Variants in GALNT9 observed in about 807,000 individuals in gnomAD.
GALNT9 encodes the protein GalNAc transferase 9.
In GALNT9, 47 loss-of-function variants were observed where a neutral mutation model predicts 63.1. That is an observed-to-expected ratio of 0.75 (90% CI 0.59 to 0.95). The LOEUF is 0.95. Among genes scored for constraint, GALNT9 ranks in the 40% least tolerant of loss-of-function variants. The pLI, the probability that GALNT9 is intolerant of heterozygous loss-of-function variation, is 0.00. For missense variants in GALNT9, 829 were observed against 874.8 expected, an observed-to-expected ratio of 0.95 and a Z score of 0.66; for synonymous variants, 396 against 365.7, an observed-to-expected ratio of 1.08 and a Z score of -0.94.
chr12:132,260,046 G>A (rs906668595), intron 4 of GALNT9, among the ~76,000 whole-genome samples: 4 of 125,618 alleles, frequency 3.2e-5, no homozygotes, highest in African/African-American at 1.1e-4. Flanking sequence ...TGGGTGCAGG[G>A]AACACACCCA....
At chr12:132,328,625 C>T (rs1425022484) in intron 1 of GALNT9, among the ~76,000 whole-genome samples, 1 of 152,118 alleles carries the variant, frequency 6.6e-6, no homozygotes, top group Non-Finnish European at 1.5e-5. Context: ...GCCAAGCCAG[C>T]CCCCCACCCC....
chr12:132,219,003 CG>C (rs1476825414), intron 6 of GALNT9, among the ~76,000 whole-genome samples: 1 of 151,936 alleles, frequency 6.6e-6, no homozygotes, highest in Non-Finnish European at 1.5e-5. Context: ...TCAGAAGCTC[CG>C]GGGAGGGGCG....
intron 1 of GALNT9, among the ~76,000 whole-genome samples, chr12:132,297,025 C>G (rs1881098091): frequency 6.6e-6 from 1 of 152,132 alleles, no homozygotes; most frequent in Non-Finnish European, 1.5e-5. Flanking sequence ...CAGCTCACTC[C>G]TGAGATACCC....
intron 6 of GALNT9, among the ~76,000 whole-genome samples, chr12:132,239,253 G>A (rs1555236613): frequency 1.3e-5 from 2 of 151,988 alleles, no homozygotes; most frequent in African/African-American, 2.4e-5. Flanking sequence ...TACACTGAGA[G>A]ACTGAGAGAC....
rs554897340 is a variant in GALNT9, at chr12:132,257,890, C to A, written c.762-4G>T. 1.3e-6 allele frequency: 2 copies of A among 1,524,424 alleles called. No homozygotes were observed. The highest frequency in any genetic ancestry group is 1.8e-6 in the Non-Finnish European group (2 of 1,130,060). 94.4% of individuals were successfully genotyped at this position (1,524,424 alleles called of 1,614,324 possible). On this transcript the variant is annotated splice_polypyrimidine_tract_variant and splice_region_variant and intron_variant, in intron 4 of 10. Coordinates refer to ENST00000328957, the MANE Select transcript of GALNT9 (RefSeq NM_001122636.2). ...CCGCGACAGTGCGGGCTCGGCCCTG[C>A]GGAGGCACAGCTGTGAGGAGGGGCG...
At chr12:132,302,290 T>C (rs1881327011) in intron 1 of GALNT9, among the ~76,000 whole-genome samples, 1 of 149,708 alleles carries the variant, frequency 6.7e-6, no homozygotes, top group South Asian at 2.1e-4. Flanking sequence ...GGTCTCTTGC[T>C]GCAGGGAAAA....
rs1555245716 is a variant in GALNT9, at chr12:132,316,880, T to C, written c.238+12086A>G. Among the ~76,000 whole-genome samples the C allele has an allele frequency of 6.6e-6, 1 of 151,718 alleles. No homozygotes were observed. The highest frequency in any genetic ancestry group is 2.4e-5 in the African/African-American group (1 of 41,180). On this transcript the variant is annotated intron_variant, in intron 1 of 10. Transcript: ENST00000328957. This position sits in a 1 kb window ranked among gnomAD's most constrained non-coding sequence, Gnocchi z 4.3. ...GCATCTAGTGGTTGGAGGCCAGGAA[T>C]GCTGCATGGCCTGGCCCCCATTCTA...
At chr12:132,198,562 A>G (rs976752270) in intron 9 of GALNT9, among the ~76,000 whole-genome samples, 4 of 152,114 alleles carry the variant, frequency 2.6e-5, no homozygotes, top group African/African-American at 9.7e-5. Context: ...CTTCGCTTCA[A>G]TCACGCGACA....
At chr12:132,295,555 C>A (rs565439255) in intron 1 of GALNT9, among the ~76,000 whole-genome samples, 1 of 152,186 alleles carries the variant, frequency 6.6e-6, no homozygotes, top group African/African-American at 2.4e-5. Flanking sequence ...CAGAGACACA[C>A]GCAGAGAAGG....
chr12:132,301,758 C>A (rs1555243858), intron 1 of GALNT9, among the ~76,000 whole-genome samples: 1 of 152,268 alleles, frequency 6.6e-6, no homozygotes, highest in Admixed American at 6.5e-5. Context: ...ACCTTCATGA[C>A]CCTGGACAGG....
chr12:132,206,642 G>A (rs554952022), intron 6 of GALNT9, among the ~76,000 whole-genome samples: 18 of 90,788 alleles, frequency 2.0e-4, no homozygotes, highest in South Asian at 4.3e-4. Context: ...GCGAGACTCC[G>A]TCTCAAAAAA....
chr12:132,294,343 C>T (rs1354710829), intron 1 of GALNT9, among the ~76,000 whole-genome samples: 1 of 152,226 alleles, frequency 6.6e-6, no homozygotes, highest in African/African-American at 2.4e-5. Flanking sequence ...GAGGCTCCTC[C>T]GTGAACAGCA....
At chr12:132,215,159 G>C (rs1593067780) in intron 6 of GALNT9, among the ~76,000 whole-genome samples, 1 of 152,214 alleles carries the variant, frequency 6.6e-6, no homozygotes, top group South Asian at 2.1e-4. Flanking sequence ...GGGTGGCTTT[G>C]TGGCCGCTTC....
chr12:132,298,986 CGGA>C, intron 1 of GALNT9, among the ~76,000 whole-genome samples: 1 of 149,060 alleles, frequency 6.7e-6, no homozygotes, highest in Middle Eastern at 3.6e-3. Flanking sequence ...CTAACCCACT[CGGA>C]CCACACCTAA....
At chr12:132,198,206 C>T (rs560616488) in intron 9 of GALNT9, among the ~76,000 whole-genome samples, 3 of 152,370 alleles carry the variant, frequency 2.0e-5, no homozygotes, top group Admixed American at 2.0e-4. Context: ...GCTGGCTGGT[C>T]TTCCGCCTGG....
intron 4 of GALNT9, among the ~76,000 whole-genome samples, chr12:132,260,026 G>A (rs28484912): frequency 1.8e-3 from 125 of 69,276 alleles, no homozygotes; most frequent in African/African-American, 3.9e-3. Flanking sequence ...TTGTGGGCGC[G>A]GGGCCTGCCT....
At chr12:132,281,033 T>C in intron 2 of GALNT9, 1 of 152,998 alleles carries the variant, frequency 6.5e-6, no homozygotes, top group Non-Finnish European at 1.5e-5. Context: ...GCCAGCCCCC[T>C]GCAGCCAGCC....
At chr12:132,318,420 T>C (rs1347344168) in intron 1 of GALNT9, among the ~76,000 whole-genome samples, 1 of 152,116 alleles carries the variant, frequency 6.6e-6, no homozygotes, top group Non-Finnish European at 1.5e-5. Flanking sequence ...TAAGAGCACC[T>C]GCCCTTCGTG....
At chr12:132,257,982 C>T in intron 4 of GALNT9, 96 bp from the exon 5 acceptor site, 1 of 834,830 alleles carries the variant, frequency 1.2e-6, no homozygotes, top group South Asian at 1.7e-5. Context: ...CAGTCCCCAC[C>T]TGGTCTGCAT....
Sources: allele counts gnomAD v4.1 joint callset (sites outside exome capture counted in the v4.1 genomes callset), GRCh38; gene constraint gnomAD v4.1.1; non-coding constraint Gnocchi (gnomAD v3.1); transcripts MANE v1.5; gene names NCBI Gene and HGNC (gene_info 2026-07-23, HGNC 2026-07-21).